FUT9: variants seen among roughly 807,000 people sequenced by gnomAD.
FUT9 encodes fucosyltransferase 9, also known as 4-galactosyl-N-acetylglucosaminide 3-alpha-L-fucosyltransferase 9.
FUT9 carries 15 observed loss-of-function variants against 29.7 expected under a neutral mutation model. The observed-to-expected ratio is 0.51, with a 90% CI of 0.34 to 0.78. The LOEUF is 0.78. Ranked by LOEUF, FUT9 falls within the 30% of genes least tolerant of loss-of-function variation. The pLI, the probability that FUT9 is intolerant of heterozygous loss-of-function variation, is 0.01. For synonymous variants in FUT9, 169 were observed against 153.7 expected (o/e 1.10, Z -0.74); for missense variants, 319 against 425.4 (o/e 0.75, Z 2.20).
intron 2 of FUT9, among the ~76,000 whole-genome samples, chr6:96,202,338 T>C (rs544708823): frequency 6.6e-6 from 1 of 152,240 alleles, no homozygotes; most frequent in South Asian, 2.1e-4. Context: ...AATACCGATA[T>C]CATCTTAATA....
chr6:96,196,279 T>C lies in FUT9; in HGVS notation c.-8-6869T>C, dbSNP rs571753206. Among the ~76,000 whole-genome samples the C allele has an allele frequency of 1.2e-4, 18 of 152,274 alleles. 1 individual carries two copies. The South Asian group carries it at 3.1e-3, about 26-fold the overall frequency. Reference sequence around the variant, plus strand: ...ACAGCATAAGAAACTTATTTGATCATAGCTTTATGCTACATGGGAGCCTTC... The same window carrying C: ...ACAGCATAAGAAACTTATTTGATCACAGCTTTATGCTACATGGGAGCCTTC... On this transcript the variant is annotated intron_variant, in intron 2 of 2. Transcript: ENST00000302103.
At chr6:96,031,701 A>T (rs933419352) in intron 1 of FUT9, among the ~76,000 whole-genome samples, 1 of 151,574 alleles carries the variant, frequency 6.6e-6, no homozygotes, top group Admixed American at 6.6e-5. Flanking sequence ...AGTTATATTG[A>T]TTAGTACATT....
At chr6:96,177,687 G>A (rs1273067597) in intron 2 of FUT9, among the ~76,000 whole-genome samples, 1 of 152,070 alleles carries the variant, frequency 6.6e-6, no homozygotes, top group South Asian at 2.1e-4. Context: ...GGTAAGTATA[G>A]TAACAGCTAT....
chr6:96,048,000 A>T (rs959229081), intron 1 of FUT9, among the ~76,000 whole-genome samples: 1 of 152,126 alleles, frequency 6.6e-6, no homozygotes, highest in Non-Finnish European at 1.5e-5. Flanking sequence ...GCTTTTGAGG[A>T]AAATTTGTTT....
chr6:96,196,344 T>A (rs1228996687), intron 2 of FUT9, among the ~76,000 whole-genome samples: 1 of 152,176 alleles, frequency 6.6e-6, no homozygotes, highest in Non-Finnish European at 1.5e-5. Context: ...CTATTCATTT[T>A]TATGCTTGGG....
chr6:96,189,564 G>T (rs901062143), intron 2 of FUT9, among the ~76,000 whole-genome samples: 1 of 151,996 alleles, frequency 6.6e-6, no homozygotes, highest in African/African-American at 2.4e-5. Context: ...GGTCTCTAAG[G>T]ACTTGCTTTA....
intron 1 of FUT9, among the ~76,000 whole-genome samples, chr6:96,065,788 T>C (rs2127945817): frequency 6.6e-6 from 1 of 152,216 alleles, no homozygotes; most frequent in East Asian, 1.9e-4. Flanking sequence ...ATGACATAAA[T>C]AACAAAATTG....
At position 96,208,253 on chromosome 6, in the gene FUT9, C is replaced by G. The variant is rs7738590; in HGVS notation, c.*4018C>G. On this transcript the variant is annotated 3_prime_UTR_variant, in exon 3 of 3. Transcript: ENST00000302103. ...TATTTTTAAACTAGATTCCATGAGT[C>G]TTAAGGTAATATCCTAGAATTTTTT... 153,366 of 166,656 alleles carry G rather than the reference C, an allele frequency of 0.92. 71,968 individuals carry two copies. The highest frequency in any genetic ancestry group is 1 in the Non-Finnish European group (67,823 of 67,952). The allele number at this position is 166,656 out of a possible 1,614,324, so 10.3% of individuals were successfully genotyped here. A position where few individuals can be genotyped will look rare whatever the true frequency, so the allele number is the denominator to read the frequency against.
At chr6:96,031,654 C>T (rs762251590) in intron 1 of FUT9, among the ~76,000 whole-genome samples, 8 of 151,372 alleles carry the variant, frequency 5.3e-5, no homozygotes, top group Non-Finnish European at 1.0e-4. Context: ...AGGAAGTATA[C>T]CTTTGACCTG....
chr6:96,173,650 C>T (rs982593233), intron 2 of FUT9, among the ~76,000 whole-genome samples: 1 of 151,956 alleles, frequency 6.6e-6, no homozygotes, highest in African/African-American at 2.4e-5. Context: ...AGATAAAATA[C>T]TCTTACATCT....
intron 2 of FUT9, among the ~76,000 whole-genome samples, chr6:96,137,807 A>G (rs1318242829): frequency 6.6e-6 from 1 of 152,126 alleles, no homozygotes; most frequent in African/African-American, 2.4e-5. Flanking sequence ...TAGTAATATA[A>G]GAAGTTAAAA....
chr6:96,168,608 A>G (rs1773056055), intron 2 of FUT9, among the ~76,000 whole-genome samples: 1 of 152,212 alleles, frequency 6.6e-6, no homozygotes, highest in Non-Finnish European at 1.5e-5. Flanking sequence ...GTAGCAAGGG[A>G]AAATGGCTGA....
intron 1 of FUT9, among the ~76,000 whole-genome samples, chr6:96,110,233 G>T (rs1207439896): frequency 1.3e-5 from 2 of 152,080 alleles, no homozygotes; most frequent in African/African-American, 2.4e-5. Flanking sequence ...AGATTCCTCA[G>T]AGTCTCTACT....
At chr6:96,136,124 T>A (rs774112211) in intron 2 of FUT9, among the ~76,000 whole-genome samples, 5 of 151,734 alleles carry the variant, frequency 3.3e-5, no homozygotes, top group Non-Finnish European at 5.9e-5. Flanking sequence ...ATCTCCTACT[T>A]GCCTGAGAAA....
At chr6:96,176,763 C>T (rs186048999) in intron 2 of FUT9, among the ~76,000 whole-genome samples, 3 of 152,184 alleles carry the variant, frequency 2.0e-5, no homozygotes, top group Admixed American at 6.5e-5. Context: ...GTTCTGCGGC[C>T]GGGATAATTT....
chr6:96,110,447 G>A (rs1771779065), intron 1 of FUT9, among the ~76,000 whole-genome samples: 1 of 152,024 alleles, frequency 6.6e-6, no homozygotes, highest in African/African-American at 2.4e-5. Flanking sequence ...TGTTAGCTTG[G>A]GATTACTCAG....
At chr6:96,109,466 C>A (rs1347407610) in intron 1 of FUT9, among the ~76,000 whole-genome samples, 1 of 152,150 alleles carries the variant, frequency 6.6e-6, no homozygotes, top group African/African-American at 2.4e-5. Flanking sequence ...AAGTATCTTG[C>A]ATAAAGATCT....
intron 2 of FUT9, among the ~76,000 whole-genome samples, chr6:96,188,527 T>C (rs1333041001): frequency 6.6e-6 from 1 of 152,084 alleles, no homozygotes; most frequent in African/African-American, 2.4e-5. Context: ...AGTTTCCTCA[T>C]CTGGAAAAAC....
chr6:96,134,198 T>A (rs535404395), intron 2 of FUT9, among the ~76,000 whole-genome samples: 2 of 152,014 alleles, frequency 1.3e-5, no homozygotes, highest in African/African-American at 4.8e-5. Context: ...ATAAATAGAA[T>A]AATATTACTA....
Sources: allele counts gnomAD v4.1 joint callset (sites outside exome capture counted in the v4.1 genomes callset), GRCh38; gene constraint gnomAD v4.1.1; transcripts MANE v1.5; gene names NCBI Gene and HGNC (gene_info 2026-07-23, HGNC 2026-07-21).